The following MYO19 variants were observed in gnomAD, a reference collection of about 807,000 sequenced individuals.
MYO19 encodes the protein myosin XIX, also known as unconventional myosin-XIX.
In MYO19, 132 loss-of-function variants were observed where a neutral mutation model predicts 129.2. That is an observed-to-expected ratio of 1.02 (90% CI 0.89 to 1.18). MYO19 has a LOEUF of 1.18. Among genes scored for constraint, MYO19 ranks in the 50% most tolerant of loss-of-function variants. The pLI is 0.00. For synonymous variants in MYO19, 531 were observed against 477.2 expected, an observed-to-expected ratio of 1.11 and a Z score of -1.47; for missense variants, 1,210 against 1,216.7, an observed-to-expected ratio of 0.99 and a Z score of 0.08.
At chr17:36,540,372 CTT>C (rs532388058) in intron 2 of MYO19, among the ~76,000 whole-genome samples, 17 of 138,652 alleles carry the variant, frequency 1.2e-4, no homozygotes, top group East Asian at 6.2e-4. Context: ...ATTCTACTGT[CTT>C]TTTTTTTTTT....
At chr17:36,506,407 A>G in intron 18 of MYO19, 49 bp downstream of exon 18, 1 of 1,603,816 alleles carries the variant, frequency 6.2e-7, no homozygotes, top group Non-Finnish European at 8.5e-7. Context: ...AATATTTGTG[A>G]GACCGTGGAG....
At chr17:36,537,064 A>G, upstream of MYO19, 5 of 1,524,032 alleles carry the variant, frequency 3.3e-6, no homozygotes, top group Non-Finnish European at 4.4e-6. Flanking sequence ...TGCTTTTCAC[A>G]AATCCATTCC....
At chr17:36,509,497 ATAAC>A in intron 13 of MYO19, 1 of 300,328 alleles carries the variant, frequency 3.3e-6, no homozygotes, top group South Asian at 4.2e-5. Flanking sequence ...TGGTTTGTAA[ATAAC>A]TGAGTTCATT....
intron 6 of MYO19, among the ~76,000 whole-genome samples, chr17:36,517,448 C>T (rs189452425): frequency 8.5e-5 from 13 of 152,140 alleles, no homozygotes; most frequent in Non-Finnish European, 1.6e-4. Context: ...TTAGTAGAGA[C>T]GGGCTTTCAC....
At chr17:36,531,600 GAAAA>G (rs958979919) in intron 3 of MYO19, among the ~76,000 whole-genome samples, 1 of 148,732 alleles carries the variant, frequency 6.7e-6, no homozygotes, top group Non-Finnish European at 1.5e-5. Flanking sequence ...TTTAATAAGA[GAAAA>G]AAAAAGTTTA....
intron 11 of MYO19, among the ~76,000 whole-genome samples, chr17:36,512,402 A>AG (rs1253132824): frequency 1.3e-5 from 2 of 151,608 alleles, no homozygotes; most frequent in African/African-American, 4.8e-5. Context: ...AAAAAAAAAA[A>AG]AAAAAGAAAA....
At chr17:36,519,755 G>A (rs1216017231) in intron 6 of MYO19, among the ~76,000 whole-genome samples, 1 of 151,864 alleles carries the variant, frequency 6.6e-6, no homozygotes, top group East Asian at 1.9e-4. Context: ...ACTTCTTGCA[G>A]TGCAAGTCTG....
At chr17:36,510,105 C>T (rs986134633) in intron 13 of MYO19, among the ~76,000 whole-genome samples, 1 of 152,246 alleles carries the variant, frequency 6.6e-6, no homozygotes, top group African/African-American at 2.4e-5. Context: ...TGCACATGCA[C>T]ACACATACAC....
At chr17:36,516,768 A>G (rs1299589232) in intron 6 of MYO19, among the ~76,000 whole-genome samples, 1 of 152,274 alleles carries the variant, frequency 6.6e-6, no homozygotes, top group Admixed American at 6.5e-5. Flanking sequence ...ACATAGAAAT[A>G]CACTGTCTTT....
At chr17:36,507,541 G>A (rs771218513) in intron 15 of MYO19, 29 bp from the exon 16 acceptor site, 1 of 1,603,430 alleles carries the variant, frequency 6.2e-7, no homozygotes, top group Non-Finnish European at 8.5e-7. Context: ...TGAGGTGGGA[G>A]AAGGCAGCTG....
chr17:36,534,301 G>A (rs2073997103), intron 1 of MYO19, 197 bp from the exon 2 acceptor site: 1 of 152,242 alleles, frequency 6.6e-6, no homozygotes. Flanking sequence ...GCGGGAACCG[G>A]GGACTCAAGG....
chr17:36,509,964 C>T (rs959815032), intron 13 of MYO19: 3 of 152,222 alleles, frequency 2.0e-5, no homozygotes, highest in Admixed American at 1.3e-4. Flanking sequence ...TTAGTCTGGC[C>T]TCAGCTGCCC....
chr17:36,523,573 A>G (rs1045491998), intron 6 of MYO19, among the ~76,000 whole-genome samples: 11 of 152,220 alleles, frequency 7.2e-5, no homozygotes, highest in African/African-American at 2.7e-4. Context: ...CACCACTATT[A>G]AACAGGGAAA....
chr17:36,502,752 TACCCAC>T (rs1361654744), intron 21 of MYO19: 1 of 294,932 alleles, frequency 3.4e-6, no homozygotes, highest in African/African-American at 2.2e-5. Context: ...GAGTTCCTCA[TACCCAC>T]ACTGCTGCCT....
At chr17:36,525,477 C>G in intron 5 of MYO19, 136 bp from the exon 6 acceptor site, 2 of 666,144 alleles carry the variant, frequency 3.0e-6, no homozygotes, top group South Asian at 3.6e-5. Flanking sequence ...TTCTGGATGT[C>G]ACATTGTTAG....
intron 18 of MYO19, among the ~76,000 whole-genome samples, chr17:36,505,963 G>C (rs1322183864): frequency 6.6e-6 from 1 of 152,194 alleles, no homozygotes; most frequent in African/African-American, 2.4e-5. Flanking sequence ...AAGTCTGAAG[G>C]ATGAGAAGGA....
At chr17:36,505,163 T>C in intron 19 of MYO19, 134 bp downstream of exon 19, 1 of 834,594 alleles carries the variant, frequency 1.2e-6, no homozygotes, top group Non-Finnish European at 2.1e-6. Flanking sequence ...AGATGGGTCC[T>C]CTCTCATGTC....
chr17:36,515,175 C>A lies in MYO19; in HGVS notation c.555G>T (p.Ala185=), dbSNP rs763249250. 6.2e-7 allele frequency: 1 copy of A among 1,612,666 alleles called. No individual in the cohort carries two copies. The highest frequency in any genetic ancestry group is 1.1e-5 in the South Asian group (1 of 90,618). The change falls in exon 8 of 26, where the codon GCG becomes GCT. Residue 185 remains alanine (A), a synonymous_variant. Transcript: ENST00000614623. ...TGCTGTTGTTATTCCTCAGTGTACA[C>A]GCATTCCCTACAGATCACACCTATG... ...SNPVMEAFGN[A]CTLRNNNSSR... is the part of the protein sequence containing the mutation.
At chr17:36,504,224 G>A in intron 19 of MYO19, 1 of 511,650 alleles carries the variant, frequency 2.0e-6, no homozygotes, top group East Asian at 3.2e-5. Context: ...GGGTCCTGGT[G>A]GTCCCAAGTC....
Sources: gnomAD v4.1 joint callset for allele counts (sites outside exome capture counted in the v4.1 genomes callset) on GRCh38, gnomAD v4.1.1 for gene constraint, MANE v1.5 for transcripts, NCBI Gene and HGNC (gene_info 2026-07-23, HGNC 2026-07-21) for gene names.